Variants in TENT4B observed in about 807,000 individuals in gnomAD.
TENT4B encodes the protein terminal nucleotidyltransferase 4B, also known as PAP associated domain containing 5.
Under a neutral mutation model 75.0 loss-of-function variants are expected in TENT4B, and 10 were observed. The observed-to-expected ratio is 0.13, with a 90% CI of 0.08 to 0.23. TENT4B has a LOEUF of 0.23. Ranked by LOEUF, TENT4B falls within the 10% of genes least tolerant of loss-of-function variation. The pLI is 1.00. For missense variants in TENT4B, 579 were observed against 893.8 expected, an observed-to-expected ratio of 0.65 and a Z score of 4.49; for synonymous variants, 350 against 357.7, an observed-to-expected ratio of 0.98 and a Z score of 0.24.
chr16:50,200,409 GGAAGC>G (rs1467292584), intron 1 of TENT4B, among the ~76,000 whole-genome samples: 1 of 151,458 alleles, frequency 6.6e-6, no homozygotes, highest in Non-Finnish European at 1.5e-5. Context: ...CAGAGGGTAA[GGAAGC>G]AAAAATAAGT....
intron 5 of TENT4B, 62 bp from the exon 6 acceptor site, chr16:50,222,243 CT>C: frequency 6.9e-7 from 1 of 1,455,290 alleles, no homozygotes; most frequent in Non-Finnish European, 9.3e-7. Flanking sequence ...ATTTATGCCC[CT>C]CTTAATGCTT....
chr16:50,183,898 G>A (rs1187292922), intron 1 of TENT4B, among the ~76,000 whole-genome samples: 1 of 152,074 alleles, frequency 6.6e-6, no homozygotes, highest in Non-Finnish European at 1.5e-5. Flanking sequence ...TACAAAATTA[G>A]CCAGGCGTGG....
chr16:50,194,478 G>A (rs1372208274), intron 1 of TENT4B, among the ~76,000 whole-genome samples: 3 of 151,738 alleles, frequency 2.0e-5, no homozygotes, highest in Non-Finnish European at 2.9e-5. Context: ...GCCTCCCAAA[G>A]CGCTGTGATT....
chr16:50,224,740 G>A lies in TENT4B; in HGVS notation c.1465G>A (p.Val489Ile), dbSNP rs962264358. The change falls in exon 8 of 12, where the codon GTA becomes ATA. Residue 489 changes from valine (V) to isoleucine (I), a missense_variant. By Grantham distance (29) the Val-to-Ile change is conservative. Around this residue, in one of 7 missense-constraint regions of TENT4B, gnomAD observed 71 missense variants for 210.6 expected, o/e 0.34. Transcript: ENST00000561678. ...DYAYVVLSHA[V>I]SPIAKYYPNN... ...TGCCTACGTTGTTTTGAGTCATGCT[G>A]TATCACCAATAGCAAAGTACTATCC... The A allele has an allele frequency of 2.5e-6, 4 of 1,614,018 alleles. No individual in the cohort carries two copies. The highest frequency in any genetic ancestry group is 3.4e-6 in the Non-Finnish European group (4 of 1,179,884).
At chr16:50,161,441 TAATTA>T (rs1202270995) in intron 1 of TENT4B, among the ~76,000 whole-genome samples, 1 of 152,188 alleles carries the variant, frequency 6.6e-6, no homozygotes, top group Non-Finnish European at 1.5e-5. Flanking sequence ...TAGTATTTGG[TAATTA>T]AATTAAGGAA....
chr16:50,233,986 C>T lies in TENT4B; in HGVS notation c.*4658C>T, dbSNP rs771866605. 1.9e-4 allele frequency: 192 copies of T among 985,350 alleles called. No individual in the cohort carries two copies. Among genetic ancestry groups the T allele is most frequent in the Non-Finnish European group, 2.2e-4 (184 of 829,950 alleles). 61.0% of individuals were successfully genotyped at this position (985,350 alleles called of 1,614,324 possible). A position where few individuals can be genotyped will look rare whatever the true frequency, so the allele number is the denominator to read the frequency against. On this transcript the variant is annotated 3_prime_UTR_variant, in exon 12 of 12. Coordinates refer to ENST00000561678, the MANE Select transcript of TENT4B (RefSeq NM_001365324.3). The stretch of plus-strand genomic sequence containing the variant: ...TCTCTAGTTCCACATTTTAACTTAA[C>T]GTCTTTGTGGCTTCACCACTGAGCT...
intron 1 of TENT4B, among the ~76,000 whole-genome samples, chr16:50,208,132 G>T (rs1030830137): frequency 2.6e-5 from 4 of 152,174 alleles, no homozygotes; most frequent in Admixed American, 6.5e-5. Flanking sequence ...CTTTGCAAGT[G>T]TGGCTTTGCT....
chr16:50,168,346 G>T (rs966744866), intron 1 of TENT4B, among the ~76,000 whole-genome samples: 1 of 151,870 alleles, frequency 6.6e-6, no homozygotes, highest in Non-Finnish European at 1.5e-5. Context: ...TCTTGCCCAG[G>T]CTGGAGTGCA....
intron 8 of TENT4B, 23 bp from the exon 9 acceptor site, chr16:50,224,868 C>A (rs1452570050): frequency 2.5e-6 from 4 of 1,611,866 alleles, no homozygotes; most frequent in Non-Finnish European, 3.4e-6. Flanking sequence ...CCTCCCTCTC[C>A]CTTTCTTTTT....
chr16:50,176,415 A>G (rs28874283), intron 1 of TENT4B, among the ~76,000 whole-genome samples: 1 of 150,054 alleles, frequency 6.7e-6, no homozygotes, highest in African/African-American at 2.4e-5. Flanking sequence ...AGTTTTATTG[A>G]AAAAAAAATC....
chr16:50,195,322 A>T (rs185793510), intron 1 of TENT4B, among the ~76,000 whole-genome samples: 1 of 152,344 alleles, frequency 6.6e-6, no homozygotes, highest in East Asian at 1.9e-4. Flanking sequence ...AGGCACTCTT[A>T]TCTCATCATA....
At chr16:50,172,219 G>A (rs768023227) in intron 1 of TENT4B, among the ~76,000 whole-genome samples, 1 of 151,972 alleles carries the variant, frequency 6.6e-6, no homozygotes, top group Non-Finnish European at 1.5e-5. Flanking sequence ...CCAGGCATAG[G>A]TGGTGCATGC....
At chr16:50,167,369 T>G (rs1393183442) in intron 1 of TENT4B, among the ~76,000 whole-genome samples, 1 of 151,750 alleles carries the variant, frequency 6.6e-6, no homozygotes, top group East Asian at 1.9e-4. Flanking sequence ...TTGTAGATAT[T>G]TATCGCATGC....
intron 3 of TENT4B, 143 bp from the exon 4 acceptor site, chr16:50,215,932 C>A: frequency 2.1e-6 from 2 of 946,012 alleles, no homozygotes; most frequent in Non-Finnish European, 3.1e-6. Flanking sequence ...TCCACAAAAC[C>A]ATTATCACCA....
chr16:50,197,863 C>T (rs2030375610), intron 1 of TENT4B, among the ~76,000 whole-genome samples: 1 of 152,116 alleles, frequency 6.6e-6, no homozygotes, highest in African/African-American at 2.4e-5. Flanking sequence ...AGTCTGTTTA[C>T]ATCTCCATTT....
At chr16:50,229,120 G>T in intron 11 of TENT4B, 32 bp from the exon 12 acceptor site, 1 of 1,607,408 alleles carries the variant, frequency 6.2e-7, no homozygotes, top group Non-Finnish European at 8.5e-7. Context: ...CTGCAATACT[G>T]ATGTCTTTGT....
intron 1 of TENT4B, among the ~76,000 whole-genome samples, chr16:50,175,309 A>C (rs2038285167): frequency 6.6e-6 from 1 of 152,108 alleles, no homozygotes; most frequent in Non-Finnish European, 1.5e-5. Flanking sequence ...CCAGTTTACC[A>C]ATTCTTTCTT....
At chr16:50,220,133 C>T (rs201598836) in intron 5 of TENT4B, among the ~76,000 whole-genome samples, 3 of 151,762 alleles carry the variant, frequency 2.0e-5, no homozygotes, top group Admixed American at 6.6e-5. Flanking sequence ...GGATTAGAGG[C>T]GCACACCACC....
chr16:50,210,637 C>T (rs954566836), intron 1 of TENT4B, among the ~76,000 whole-genome samples: 1 of 152,176 alleles, frequency 6.6e-6, no homozygotes, highest in African/African-American at 2.4e-5. Context: ...CTTTTGGTCC[C>T]TCTCAGAAAC....
Sources: allele counts gnomAD v4.1 joint callset (sites outside exome capture counted in the v4.1 genomes callset), GRCh38; gene constraint gnomAD v4.1.1; regional missense constraint gnomAD v4.1.1; transcripts MANE v1.5; gene names NCBI Gene and HGNC (gene_info 2026-07-23, HGNC 2026-07-21).